NTF3: variants seen among roughly 807,000 people sequenced by gnomAD.
NTF3 encodes the protein neurotrophin 3.
NTF3 carries 8 observed loss-of-function variants against 26.3 expected under a neutral mutation model. That is an observed-to-expected ratio of 0.30 (90% confidence interval 0.18 to 0.55). NTF3 has a LOEUF of 0.55. Ranked by LOEUF, NTF3 falls within the 20% of genes least tolerant of loss-of-function variation. The pLI is 0.93. For missense variants in NTF3, 276 were observed against 352.9 expected, an observed-to-expected ratio of 0.78 and a Z score of 1.75; for synonymous variants, 154 against 145.5, an observed-to-expected ratio of 1.06 and a Z score of -0.42.
rs1940735682 is a variant in NTF3 at position 5,477,218 on chromosome 12, C to A, written c.19-16976C>A. ...ACGTGGGTTTTGATATCAGACATGC[C>A]TGGGTTTGAATCCCAGCTCCGCTAA... On this transcript the variant is annotated intron_variant, in intron 1 of 1. Coordinates refer to ENST00000423158, the MANE Select transcript of NTF3 (RefSeq NM_001102654.2). Among the ~76,000 whole-genome samples the A allele has an allele frequency of 1.3e-5, 2 of 152,156 alleles. 1 individual carries two copies. Among genetic ancestry groups the A allele is most frequent in the South Asian group, 4.1e-4 (2 of 4,820 alleles).
chr12:5,462,769 G>A (rs1393454004), intron 1 of NTF3, among the ~76,000 whole-genome samples: 2 of 152,174 alleles, frequency 1.3e-5, no homozygotes, highest in Admixed American at 1.3e-4. Context: ...TTGTTACCCT[G>A]GAAGGACAGA....
intron 1 of NTF3, among the ~76,000 whole-genome samples, chr12:5,457,189 A>G (rs1940463098): frequency 6.6e-6 from 1 of 152,242 alleles, no homozygotes; most frequent in African/African-American, 2.4e-5. Flanking sequence ...GTTAGAAACT[A>G]ACCGAATCTT....
At chr12:5,460,271 T>G (rs1258776154) in intron 1 of NTF3, among the ~76,000 whole-genome samples, 1 of 152,228 alleles carries the variant, frequency 6.6e-6, no homozygotes, top group African/African-American at 2.4e-5. Context: ...AAATGCATAA[T>G]GTTATGTATC....
At chr12:5,482,448 C>T (rs1940818663) in intron 1 of NTF3, among the ~76,000 whole-genome samples, 1 of 152,208 alleles carries the variant, frequency 6.6e-6, no homozygotes, top group African/African-American at 2.4e-5. Flanking sequence ...ATGTTCACTT[C>T]CCTGGCAGTA....
In NTF3 at chr12:5,456,428, C is replaced by G. The variant is rs1434229894; in HGVS notation, c.18+24086C>G. ...GTGGGACCCTGGGAGCTGTGTACCC[C>G]TCAGACCCAGTTGGAACCCAGCCAA... On this transcript the variant is annotated intron_variant, in intron 1 of 1. Coordinates refer to ENST00000423158, the MANE Select transcript of NTF3 (RefSeq NM_001102654.2). This position sits in a 1 kb window ranked among gnomAD's most constrained non-coding sequence, Gnocchi z 4.4. 6.6e-6 allele frequency among the ~76,000 whole-genome samples: 1 copy of G among 152,166 alleles called. No individual in the cohort carries two copies. The highest frequency in any genetic ancestry group is 1.5e-5 in the Non-Finnish European group (1 of 68,028).
At chr12:5,435,306 G>A (rs187667946) in intron 1 of NTF3, among the ~76,000 whole-genome samples, 1 of 152,338 alleles carries the variant, frequency 6.6e-6, no homozygotes, top group East Asian at 1.9e-4. Flanking sequence ...CCATTGCTGG[G>A]TACTGGGGCA....
intron 1 of NTF3, 111 bp downstream of exon 1, chr12:5,432,453 C>A: frequency 8.5e-7 from 1 of 1,178,758 alleles, no homozygotes; most frequent in Non-Finnish European, 1.2e-6. Context: ...GCATCCCGCC[C>A]CACCCCCATC....
Position 5,456,577 on chromosome 12 carries a change from C to T in NTF3, c.18+24235C>T, listed in dbSNP as rs1276646976. The stretch of plus-strand genomic sequence containing the variant: ...AAAGGGTCTGCATTCTGTTTGCAGC[C>T]CTGATCGTGAGCTCTGGGGGTCCTC... On this transcript the variant is annotated intron_variant, in intron 1 of 1. Transcript: ENST00000423158. This position sits in a 1 kb window ranked among gnomAD's most constrained non-coding sequence, Gnocchi z 4.4. 1.3e-5 allele frequency among the ~76,000 whole-genome samples: 2 copies of T among 152,084 alleles called. No individual in the cohort carries two copies. The highest frequency in any genetic ancestry group is 1.3e-4 in the Admixed American group (2 of 15,264).
intron 1 of NTF3, among the ~76,000 whole-genome samples, chr12:5,450,183 C>T (rs1449894243): frequency 6.6e-6 from 1 of 152,202 alleles, no homozygotes; most frequent in African/African-American, 2.4e-5. Flanking sequence ...GAGCAACAGA[C>T]AGCTGTTCCT....
At chr12:5,484,573 T>C (rs1247351258) in intron 1 of NTF3, among the ~76,000 whole-genome samples, 1 of 152,218 alleles carries the variant, frequency 6.6e-6, no homozygotes, top group East Asian at 1.9e-4. Flanking sequence ...TTCCTTAGCA[T>C]TGATTACATT....
At chr12:5,441,057 G>C (rs569330404) in intron 1 of NTF3, among the ~76,000 whole-genome samples, 29 of 152,308 alleles carry the variant, frequency 1.9e-4, no homozygotes, top group African/African-American at 6.5e-4. Flanking sequence ...TGGGATTAAA[G>C]TTGTCTGTGG....
chr12:5,430,376 C>A (rs1006474703), upstream of NTF3, among the ~76,000 whole-genome samples: 1 of 152,024 alleles, frequency 6.6e-6, no homozygotes, highest in African/African-American at 2.4e-5. Context: ...GAGGGAACGA[C>A]TCGGCAGCCT....
chr12:5,463,316 A>G (rs539180076), intron 1 of NTF3, among the ~76,000 whole-genome samples: 1 of 152,370 alleles, frequency 6.6e-6, no homozygotes, highest in African/African-American at 2.4e-5. Context: ...GTCCAACAGT[A>G]TAAACATAAT....
intron 1 of NTF3, among the ~76,000 whole-genome samples, chr12:5,470,431 TG>T (rs1389849946): frequency 6.6e-6 from 1 of 152,182 alleles, no homozygotes; most frequent in African/African-American, 2.4e-5. Flanking sequence ...CCCCTCACGC[TG>T]AAGTTTGATT....
intron 1 of NTF3, among the ~76,000 whole-genome samples, chr12:5,467,215 C>A (rs992858975): frequency 3.7e-5 from 4 of 108,932 alleles, no homozygotes; most frequent in African/African-American, 1.5e-4. Context: ...TGCAACAGAG[C>A]GAGACTCCGT....
intron 1 of NTF3, among the ~76,000 whole-genome samples, chr12:5,446,929 G>A (rs1346785478): frequency 1.3e-5 from 2 of 152,166 alleles, no homozygotes; most frequent in African/African-American, 4.8e-5. Flanking sequence ...TAGCCGAAGA[G>A]AGCAGGCCAG....
In NTF3 at chr12:5,457,511, G is replaced by C. The variant is rs78644304; in HGVS notation, c.18+25169G>C. ...GTCCTACCTCTGTGGCTGTTTCTGC[G>C]TGCTTTCCTTAGCTGACTTTTGCTC... On this transcript the variant is annotated intron_variant, in intron 1 of 1. Coordinates refer to ENST00000423158, the MANE Select transcript of NTF3 (RefSeq NM_001102654.2). Among the ~76,000 whole-genome samples the C allele has an allele frequency of 1.0e-3, 156 of 152,128 alleles. 1 individual carries two copies. Among genetic ancestry groups the C allele is most frequent in the African/African-American group, 3.0e-3 (125 of 41,496 alleles).
At chr12:5,445,381 CA>C (rs1940292970) in intron 1 of NTF3, among the ~76,000 whole-genome samples, 2 of 149,462 alleles carry the variant, frequency 1.3e-5, no homozygotes, top group South Asian at 2.1e-4. Context: ...TGCTACTGAA[CA>C]TTTTTTTTGT....
At chr12:5,476,818 T>G (rs1940730252) in intron 1 of NTF3, among the ~76,000 whole-genome samples, 1 of 152,204 alleles carries the variant, frequency 6.6e-6, no homozygotes, top group Non-Finnish European at 1.5e-5. Flanking sequence ...AGAGAAAGCC[T>G]AGATTGTAAT....
Sources: gnomAD v4.1 joint callset for allele counts (sites outside exome capture counted in the v4.1 genomes callset) on GRCh38, gnomAD v4.1.1 for gene constraint, Gnocchi (gnomAD v3.1) non-coding constraint, MANE v1.5 for transcripts, NCBI Gene and HGNC (gene_info 2026-07-23, HGNC 2026-07-21) for gene names.